ZBTB7C: variants seen among roughly 807,000 people sequenced by gnomAD.
ZBTB7C encodes the protein zinc finger and BTB domain-containing protein 7C.
Under a neutral mutation model 25.7 loss-of-function variants are expected in ZBTB7C, and 8 were observed. The ratio of observed to expected loss-of-function variants is 0.31; its 90% CI spans 0.18 to 0.56. The LOEUF (loss-of-function observed/expected upper bound fraction) is 0.56. ZBTB7C is among the 20% of genes least tolerant of loss of function. The probability of loss-of-function intolerance (pLI) is 0.91; values close to 1 mark genes in which losing one functional copy is unlikely to be tolerated. For synonymous variants in ZBTB7C, 394 were observed against 369.0 expected (o/e 1.07, Z -0.78); for missense variants, 824 against 855.2 (o/e 0.96, Z 0.46).
intron 2 of ZBTB7C, among the ~76,000 whole-genome samples, chr18:48,214,449 T>C (rs1462640342): frequency 3.0e-5 from 4 of 134,886 alleles, no homozygotes; most frequent in East Asian, 3.9e-4. Flanking sequence ...GGTTCAAACA[T>C]GTTGGCAGGA....
intron 3 of ZBTB7C, among the ~76,000 whole-genome samples, chr18:48,139,996 T>C (rs2040496324): frequency 6.6e-6 from 1 of 152,190 alleles, no homozygotes; most frequent in South Asian, 2.1e-4. Flanking sequence ...CCAGAGCACG[T>C]GGAAGCCCGC....
In ZBTB7C at chr18:48,039,959, C is replaced by G. The variant is rs1434932392; in HGVS notation, c.1149G>C (p.Met383Ile). 6.2e-7 allele frequency: 1 copy of G among 1,614,010 alleles called. No homozygotes were observed. Among genetic ancestry groups the G allele is most frequent in the East Asian group, 2.2e-5 (1 of 44,876 alleles). Residue 383 changes from methionine to isoleucine, a missense_variant, in exon 4 of 5, where the codon ATG becomes ATC. Coordinates refer to ENST00000590800, the MANE Select transcript of ZBTB7C (RefSeq NM_001318841.2). Reference sequence around the variant, plus strand: ...ATGGCTTCTCCCCGGTATGGGTCCTCATGTGCCGCGGCAGCTTCCCGGCCC... The same window carrying G: ...ATGGCTTCTCCCCGGTATGGGTCCTGATGTGCCGCGGCAGCTTCCCGGCCC... ...IMGAGKLPRH[M>I]RTHTGEKPYM... is the part of the protein sequence containing the mutation.
At chr18:48,398,060 C>T (rs1318473060) in intron 1 of ZBTB7C, among the ~76,000 whole-genome samples, 2 of 152,242 alleles carry the variant, frequency 1.3e-5, no homozygotes, top group Non-Finnish European at 1.5e-5. Flanking sequence ...CACTCTGACC[C>T]TGCAGTCTGT....
chr18:48,363,896 C>T (rs1477803372), intron 1 of ZBTB7C, among the ~76,000 whole-genome samples: 3 of 152,006 alleles, frequency 2.0e-5, no homozygotes, highest in African/African-American at 4.8e-5. Flanking sequence ...AAAACTCTCT[C>T]CCCCTTAATA....
chr18:48,137,412 G>T, intron 3 of ZBTB7C: 1 of 799,412 alleles, frequency 1.3e-6, no homozygotes, highest in Non-Finnish European at 1.5e-6. Flanking sequence ...TTTTTTGTGG[G>T]TTTCCCCCCA....
chr18:48,099,287 A>T (rs1211174411), intron 3 of ZBTB7C, among the ~76,000 whole-genome samples: 1 of 152,210 alleles, frequency 6.6e-6, no homozygotes, highest in Non-Finnish European at 1.5e-5. Context: ...GTGTTCTCCA[A>T]AGGAAAGAAA....
At chr18:48,301,384 C>A (rs1490712132) in intron 2 of ZBTB7C, among the ~76,000 whole-genome samples, 3 of 152,170 alleles carry the variant, frequency 2.0e-5, no homozygotes, top group Admixed American at 2.0e-4. Context: ...CAGGCTGAAG[C>A]AGGAGAACTG....
intron 2 of ZBTB7C, among the ~76,000 whole-genome samples, chr18:48,209,953 A>G (rs941451383): frequency 6.6e-6 from 1 of 152,216 alleles, no homozygotes; most frequent in African/African-American, 2.4e-5. Context: ...GACTATTTAA[A>G]GAACTCTCAG....
intron 3 of ZBTB7C, among the ~76,000 whole-genome samples, chr18:48,050,395 G>A (rs550394167): frequency 1.3e-5 from 2 of 152,280 alleles, no homozygotes; most frequent in South Asian, 4.1e-4. Flanking sequence ...TGCCCTGCCC[G>A]CCACGAGCAC....
chr18:48,245,444 A>G (rs2144390037), intron 2 of ZBTB7C, among the ~76,000 whole-genome samples: 1 of 150,746 alleles, frequency 6.6e-6, no homozygotes, highest in South Asian at 2.1e-4. Flanking sequence ...TAACCAAACA[A>G]CACTTGTTCC....
chr18:48,189,187 A>G (rs1348490459), intron 2 of ZBTB7C, among the ~76,000 whole-genome samples: 1 of 152,194 alleles, frequency 6.6e-6, no homozygotes, highest in Admixed American at 6.6e-5. Context: ...AGAGCCCTGG[A>G]GCTAAATATT....
chr18:48,081,914 T>C (rs2038002469), intron 3 of ZBTB7C, among the ~76,000 whole-genome samples: 2 of 152,212 alleles, frequency 1.3e-5, no homozygotes, highest in Non-Finnish European at 2.9e-5. Context: ...TTATATGAAT[T>C]ACATGTTGAA....
chr18:48,277,837 C>CTT (rs11325746), intron 2 of ZBTB7C, among the ~76,000 whole-genome samples: 5 of 147,090 alleles, frequency 3.4e-5, no homozygotes, highest in African/African-American at 1.2e-4. Context: ...ACCACATGAG[C>CTT]TTTTTTTTTT....
intron 2 of ZBTB7C, among the ~76,000 whole-genome samples, chr18:48,274,496 C>T (rs2044587108): frequency 6.6e-6 from 1 of 152,166 alleles, no homozygotes; most frequent in African/African-American, 2.4e-5. Context: ...GTGTCTCAAA[C>T]TCAGCACTGC....
chr18:48,029,346 G>A lies in ZBTB7C; in HGVS notation c.1774C>T (p.Pro592Ser), dbSNP rs2035626167. 6.5e-7 allele frequency: 1 copy of A among 1,544,126 alleles called. No homozygotes were observed. Among genetic ancestry groups the A allele is most frequent in the Non-Finnish European group, 8.7e-7 (1 of 1,149,862 alleles). The stretch of plus-strand genomic sequence containing the variant: ...GCCAGGCCGGCGGCCCAAGGGTCGG[G>A]CAGCGGGAAGTAGGGCCGCGCCGCC... ...VAAARPYFPL[P>S]DPWAAGLAGL... The change falls in exon 5 of 5, where the codon CCC (proline) becomes TCC (serine). Residue 592 changes from proline (P) to serine (S), a missense_variant. Physicochemically the swap from Pro to Ser is moderately conservative, Grantham distance 74. Around this residue, in one of 4 missense-constraint regions of ZBTB7C, gnomAD observed 342 missense variants for 307.0 expected, o/e 1.11. Transcript: ENST00000590800.
At chr18:48,069,283 G>C (rs1276988903) in intron 3 of ZBTB7C, among the ~76,000 whole-genome samples, 1 of 152,176 alleles carries the variant, frequency 6.6e-6, no homozygotes, top group Non-Finnish European at 1.5e-5. Flanking sequence ...CCCTTCCCTT[G>C]CTTGTTGTTT....
intron 2 of ZBTB7C, among the ~76,000 whole-genome samples, chr18:48,320,369 G>T (rs1011473088): frequency 6.6e-6 from 1 of 152,224 alleles, no homozygotes; most frequent in African/African-American, 2.4e-5. Context: ...GTGACATGGT[G>T]GGGAGAGGGC....
In ZBTB7C at chr18:48,029,704, G is replaced by T; in HGVS notation, c.1416C>A (p.Cys472Ter). The change falls in exon 5 of 5, where the codon TGC becomes TGA. Residue 472 changes from cysteine to a stop codon, truncating the protein, a stop_gained. Coordinates refer to ENST00000590800, the MANE Select transcript of ZBTB7C (RefSeq NM_001318841.2). LOFTEE classifies it low-confidence loss of function (END_TRUNC). ...GGCCGCGTCGGGGCCGTGCCATGCG[G>T]CAGCTCTGGCGCTTGATGTGGCGGT... ...HLHRHIKRQS[C>*]RMARPRRGRK... 6.2e-7 allele frequency: 1 copy of T among 1,602,736 alleles called. No homozygotes were observed.
At chr18:48,377,412 T>C (rs1349539930) in intron 1 of ZBTB7C, among the ~76,000 whole-genome samples, 1 of 151,526 alleles carries the variant, frequency 6.6e-6, no homozygotes, top group Non-Finnish European at 1.5e-5. Flanking sequence ...GGGAAGGGGG[T>C]GGGAGAAGCA....
Sources: gnomAD v4.1 joint callset for allele counts (sites outside exome capture counted in the v4.1 genomes callset) on GRCh38, gnomAD v4.1.1 for gene constraint, gnomAD v4.1.1 regional missense constraint, MANE v1.5 for transcripts, NCBI Gene and HGNC (gene_info 2026-07-23, HGNC 2026-07-21) for gene names.